The following SYT6 variants were observed in gnomAD, a reference collection of about 807,000 sequenced individuals.
The protein encoded by SYT6 is synaptotagmin 6, also known as synaptotagmin-6.
Under a neutral mutation model 38.4 loss-of-function variants are expected in SYT6, and 24 were observed. The observed-to-expected ratio is 0.62, with a 90% CI of 0.45 to 0.88. The LOEUF is 0.88. Ranked by LOEUF, SYT6 falls within the 40% of genes least tolerant of loss-of-function variation. The pLI is 0.00. For missense variants in SYT6, 611 were observed against 621.0 expected (o/e 0.98, Z 0.17); for synonymous variants, 265 against 241.9 (o/e 1.10, Z -0.89).
chr1:114,112,612 A>T (rs1287200874), intron 3 of SYT6, among the ~76,000 whole-genome samples: 2 of 152,196 alleles, frequency 1.3e-5, no homozygotes, highest in Non-Finnish European at 2.9e-5. Flanking sequence ...TTTAGAAGAG[A>T]TGGCAGTAAT....
chr1:114,144,715 CTG>C (rs1252016279), intron 1 of SYT6, among the ~76,000 whole-genome samples: 2 of 152,156 alleles, frequency 1.3e-5, no homozygotes, highest in Non-Finnish European at 1.5e-5. Context: ...GCCCAGTCCC[CTG>C]CTAAGGGGAT....
intron 6 of SYT6, among the ~76,000 whole-genome samples, chr1:114,094,157 A>G (rs1425939474): frequency 6.6e-6 from 1 of 152,200 alleles, no homozygotes; most frequent in East Asian, 1.9e-4. Flanking sequence ...TGAAGAAGGA[A>G]CACTGGCTCC....
intron 1 of SYT6, 57 bp downstream of exon 1, chr1:114,153,553 A>G: frequency 1.8e-6 from 1 of 570,908 alleles, no homozygotes; most frequent in African/African-American, 2.0e-5. Flanking sequence ...GGCTTTGGGG[A>G]AGGGAGATCG....
intron 3 of SYT6, among the ~76,000 whole-genome samples, chr1:114,125,890 T>C (rs1677699261): frequency 6.6e-6 from 1 of 152,138 alleles, no homozygotes; most frequent in Non-Finnish European, 1.5e-5. Flanking sequence ...CTTCCTTGCA[T>C]GGAAAAGACT....
chr1:114,150,929 A>G (rs1347178718), intron 1 of SYT6, among the ~76,000 whole-genome samples: 1 of 152,234 alleles, frequency 6.6e-6, no homozygotes, highest in Non-Finnish European at 1.5e-5. Flanking sequence ...GTGGAGTCTG[A>G]ATCTCAGTCT....
chr1:114,102,344 T>A (rs575872993), intron 4 of SYT6, among the ~76,000 whole-genome samples: 5 of 152,238 alleles, frequency 3.3e-5, no homozygotes, highest in African/African-American at 1.2e-4. Flanking sequence ...TGTGGGTAGC[T>A]CTGAGGGACT....
rs766682891 is a variant in SYT6, at chr1:114,092,179, C to G, written c.*52-97G>C. The G allele has an allele frequency of 2.6e-6, 3 of 1,167,086 alleles. No individual in the cohort carries two copies. The East Asian group carries it at 8.1e-5, about 31-fold the overall frequency. The allele number at this position is 1,167,086 out of a possible 1,614,324, so 72.3% of individuals were successfully genotyped here. A position where few individuals can be genotyped will look rare whatever the true frequency, so the allele number is the denominator to read the frequency against. Reference sequence around the variant, plus strand: ...GCCCAATGCACTGAATTCACCTTTCCTAGCTTCTCATAAGCTTTCTTGAAT... The same window carrying G: ...GCCCAATGCACTGAATTCACCTTTCGTAGCTTCTCATAAGCTTTCTTGAAT... On this transcript the variant is annotated intron_variant, in intron 7 of 7. Coordinates refer to ENST00000610222, the MANE Select transcript of SYT6 (RefSeq NM_001253772.2).
chr1:114,104,790 GT>G (rs1295190288), intron 3 of SYT6, among the ~76,000 whole-genome samples: 2 of 151,998 alleles, frequency 1.3e-5, no homozygotes, highest in Non-Finnish European at 2.9e-5. Context: ...AAAAATCCCT[GT>G]TTTCATGGAA....
chr1:114,143,580 A>G lies in SYT6; in HGVS notation c.164-3617T>C, dbSNP rs1244695567. On this transcript the variant is annotated intron_variant, in intron 1 of 7. Coordinates refer to ENST00000610222, the MANE Select transcript of SYT6 (RefSeq NM_001253772.2). ...TGCATGTGTGTGTGTGTGTGTATAT[A>G]TATATAACTTTTATATGCACTGGGA... Among the ~76,000 whole-genome samples, 3 of 148,302 alleles carry G rather than the reference A, an allele frequency of 2.0e-5. No homozygotes were observed. In the East Asian group the frequency reaches 5.9e-4, roughly 29 times the overall value.
chr1:114,145,089 G>A (rs1274764179), intron 1 of SYT6, among the ~76,000 whole-genome samples: 1 of 152,150 alleles, frequency 6.6e-6, no homozygotes, highest in Non-Finnish European at 1.5e-5. Context: ...GGTCTCCAAT[G>A]TGGTGGTGTC....
intron 3 of SYT6, among the ~76,000 whole-genome samples, chr1:114,133,237 G>A (rs959329252): frequency 1.3e-5 from 2 of 152,132 alleles, no homozygotes; most frequent in African/African-American, 4.8e-5. Context: ...TGGTAAGGCA[G>A]GAAGATGGCC....
In SYT6 at chr1:114,099,083, C is replaced by T. The variant is rs187336481; in HGVS notation, c.1364+11G>A. 45 of 1,607,080 alleles carry T rather than the reference C, an allele frequency of 2.8e-5. No individual in the cohort carries two copies. The East Asian group carries it at 4.9e-4, about 18-fold the overall frequency. ...GGGGTAGAATTACGTCCCTCTAGGA[C>T]GCCTACCTACCGATCATAGTCCATG... is the stretch of plus-strand genomic sequence containing the variant. On this transcript the variant is annotated intron_variant, in intron 5 of 7. Coordinates refer to ENST00000610222, the MANE Select transcript of SYT6 (RefSeq NM_001253772.2).
intron 3 of SYT6, among the ~76,000 whole-genome samples, chr1:114,118,615 G>A (rs998805069): frequency 6.6e-6 from 1 of 152,216 alleles, no homozygotes; most frequent in African/African-American, 2.4e-5. Context: ...GGGTGTCCCT[G>A]GGGCTCCTGC....
intron 3 of SYT6, among the ~76,000 whole-genome samples, chr1:114,120,710 C>A (rs1677337205): frequency 1.3e-5 from 2 of 152,168 alleles, no homozygotes; most frequent in South Asian, 2.1e-4. Flanking sequence ...TTAAGTGAGA[C>A]AATGTGTGCA....
chr1:114,132,911 A>G (rs1307458909), intron 3 of SYT6, among the ~76,000 whole-genome samples: 4 of 152,200 alleles, frequency 2.6e-5, no homozygotes, highest in Admixed American at 2.0e-4. Flanking sequence ...TAATGTCCCA[A>G]GGTTTTAAAG....
rs1016902350 is a variant in SYT6, at chr1:114,114,792, C to A, written c.1072-11071G>T. ...CTGTGACATGGAACATGTCCTAATG[C>A]AACTGAAGTCATTAAATATCAGAGC... On this transcript the variant is annotated intron_variant, in intron 3 of 7. Transcript: ENST00000610222. Among the ~76,000 whole-genome samples the A allele has an allele frequency of 4.6e-5, 7 of 152,202 alleles. No homozygotes were observed. The South Asian group carries it at 1.0e-3, about 22-fold the overall frequency.
intron 2 of SYT6, among the ~76,000 whole-genome samples, chr1:114,138,929 G>A (rs1365668847): frequency 6.6e-6 from 1 of 152,176 alleles, no homozygotes; most frequent in Non-Finnish European, 1.5e-5. Flanking sequence ...GTTCTCTTTT[G>A]TTGGTCCCCT....
At position 114,103,695 on chromosome 1, in the gene SYT6, C is replaced by T. The variant is rs1676099699; in HGVS notation, c.1098G>A (p.Met366Ile). Residue 366 changes from methionine to isoleucine, a missense_variant, in exon 4 of 8, where the codon ATG (methionine) becomes ATA (isoleucine). Met to Ile is a conservative substitution (Grantham distance 10, BLOSUM62 1). Coordinates refer to ENST00000610222, the MANE Select transcript of SYT6 (RefSeq NM_001253772.2). ...TSESVDLGEI[M>I]FSLCYLPTAG... The stretch of plus-strand genomic sequence containing the variant: ...CAGTGGGCAGGTAGCAAAGGGAGAA[C>T]ATGATCTCTCCCAAGTCCACGCTTT... The T allele has an allele frequency of 1.2e-6, 2 of 1,614,042 alleles. No individual in the cohort carries two copies. The highest frequency in any genetic ancestry group is 1.3e-5 in the African/African-American group (1 of 75,018).
intron 3 of SYT6, among the ~76,000 whole-genome samples, chr1:114,115,898 G>C (rs559662425): frequency 6.6e-6 from 1 of 152,140 alleles, no homozygotes; most frequent in African/African-American, 2.4e-5. Flanking sequence ...ATCCCACCCA[G>C]CCTCCTCTGG....
Sources: gnomAD v4.1 joint callset for allele counts (sites outside exome capture counted in the v4.1 genomes callset) on GRCh38, gnomAD v4.1.1 for gene constraint, MANE v1.5 for transcripts, NCBI Gene and HGNC (gene_info 2026-07-23, HGNC 2026-07-21) for gene names.